The following FGF13 variants were observed in gnomAD, a reference collection of about 807,000 sequenced individuals.
FGF13 encodes fibroblast growth factor 13, also known as fibroblast growth factor homologous factor 2.
Under a neutral mutation model 19.5 loss-of-function variants are expected in FGF13, and 2 were observed. The ratio of observed to expected loss-of-function variants is 0.10; its 90% confidence interval spans 0.04 to 0.32. The LOEUF (loss-of-function observed/expected upper bound fraction) is 0.32, where lower values mean the gene tolerates loss of function less well. Ranked by LOEUF, FGF13 falls within the 10% of genes least tolerant of loss-of-function variation. The pLI is 1.00. For missense variants in FGF13, 113 were observed against 192.7 expected, an observed-to-expected ratio of 0.59 and a Z score of 2.45; for synonymous variants, 72 against 76.9, an observed-to-expected ratio of 0.94 and a Z score of 0.33.
At chrX:139,182,805 T>G (rs2084250725) in intron 1 of FGF13, among the ~76,000 whole-genome samples, 1 of 111,831 alleles carries the variant, frequency 8.9e-6, no homozygotes, top group South Asian at 3.8e-4. Context: ...GAAAAGCAAG[T>G]CCATTCATTA....
chrX:138,794,621 A>G (rs2090764787), intron 3 of FGF13, among the ~76,000 whole-genome samples: 1 of 112,043 alleles, frequency 8.9e-6, no homozygotes, highest in Non-Finnish European at 1.9e-5. Context: ...AAATTCTGAC[A>G]AGTGAGAAAA....
At position 138,677,873 on chromosome X, in the gene FGF13, T is replaced by C. The variant is rs1246258214; in HGVS notation, c.402+25111A>G. Among the ~76,000 whole-genome samples the C allele has an allele frequency of 3.6e-5, 4 of 111,836 alleles. No homozygotes were observed. The East Asian group carries it at 1.1e-3, about 32-fold the overall frequency. ...TAAATCATGCTGCTATAAAGACACA[T>C]GCACACGTACGTTTATTGCGGCACT... On this transcript the variant is annotated intron_variant, in intron 3 of 4. Transcript: ENST00000315930.
intron 1 of FGF13, among the ~76,000 whole-genome samples, chrX:138,869,025 T>C (rs2091344175): frequency 9.0e-6 from 1 of 111,630 alleles, no homozygotes; most frequent in African/African-American, 3.3e-5. Flanking sequence ...AATGCCATCA[T>C]GTGCACCTCC....
At chrX:139,132,595 C>A (rs969224128) in intron 1 of FGF13, among the ~76,000 whole-genome samples, 4 of 111,939 alleles carry the variant, frequency 3.6e-5, no homozygotes, top group African/African-American at 9.7e-5. Context: ...ACCTTAAGAG[C>A]AAATAATGTG....
intron 3 of FGF13, among the ~76,000 whole-genome samples, chrX:138,808,863 T>C (rs1207910726): frequency 8.9e-6 from 1 of 112,109 alleles, no homozygotes; most frequent in Non-Finnish European, 1.9e-5. Flanking sequence ...GATAAATTCC[T>C]GGACACATAC....
rs1246703584 is a variant in FGF13 at position 138,619,166 on chromosome X, CACAG to C, written c.*13680_*13683del. ...ATAAGCTTGGGTTGCTACATGAGAA[CACAG>C]ACAAAGAAGTCAGTAGAATCAGGAA... On this transcript the variant is annotated 3_prime_UTR_variant, in exon 5 of 5. Transcript: ENST00000315930. 3 of 110,965 alleles carry C rather than the reference CACAG, an allele frequency of 2.7e-5. No homozygotes were observed. The highest frequency in any genetic ancestry group is 3.8e-5 in the Non-Finnish European group (2 of 53,078). 9.1% of individuals were successfully genotyped at this position (110,965 alleles called of 1,213,427 possible). A position where few individuals can be genotyped will look rare whatever the true frequency, so the allele number is the denominator to read the frequency against.
At position 138,762,572 on chromosome X, in the gene FGF13, G is replaced by A. The variant is rs750807963; in HGVS notation, c.218-53644C>T. Among the ~76,000 whole-genome samples the A allele has an allele frequency of 2.3e-3, 257 of 111,312 alleles. 3 individuals are homozygous for A. The highest frequency in any genetic ancestry group is 4.7e-3 in the Middle Eastern group (1 of 215). ...TATGGGCTTCAATTCTGTCTTATGAGGAGGAAGCATAGTGTTAGAGTTAAG... is the reference window on the plus strand; with the variant it reads ...TATGGGCTTCAATTCTGTCTTATGAAGAGGAAGCATAGTGTTAGAGTTAAG... On this transcript the variant is annotated intron_variant, in intron 3 of 6. Transcript: ENST00000436198.
At chrX:139,069,525 C>T (rs377365567) in intron 1 of FGF13, among the ~76,000 whole-genome samples, 1 of 93,310 alleles carries the variant, frequency 1.1e-5, no homozygotes, top group Admixed American at 1.2e-4. Flanking sequence ...ATGACGAGTT[C>T]GTGGGTGCAG....
chrX:138,767,322 T>C (rs1288295751), intron 3 of FGF13, among the ~76,000 whole-genome samples: 1 of 111,994 alleles, frequency 8.9e-6, no homozygotes. Flanking sequence ...TTGCAGAATA[T>C]ACTAAACTTT....
intron 1 of FGF13, among the ~76,000 whole-genome samples, chrX:138,975,726 A>T (rs1213423085): frequency 1.8e-5 from 2 of 111,588 alleles, no homozygotes; most frequent in African/African-American, 3.3e-5. Flanking sequence ...TGACATCAGG[A>T]CTGAGAGCAG....
At chrX:138,874,898 C>T (rs1326389967) in intron 1 of FGF13, among the ~76,000 whole-genome samples, 3 of 111,612 alleles carry the variant, frequency 2.7e-5, no homozygotes, top group Non-Finnish European at 5.6e-5. Context: ...CAAGCAGCCT[C>T]GGGCCTCTCT....
intron 3 of FGF13, among the ~76,000 whole-genome samples, chrX:138,779,597 G>A (rs2090620934): frequency 9.1e-6 from 1 of 110,206 alleles, no homozygotes; most frequent in African/African-American, 3.3e-5. Context: ...AATGAAGCGA[G>A]AAGGGAAGTT....
At chrX:139,198,510 C>T (rs766282228) in intron 1 of FGF13, among the ~76,000 whole-genome samples, 107 of 111,702 alleles carry the variant, frequency 9.6e-4, no homozygotes, top group African/African-American at 3.4e-3. Flanking sequence ...GTCATTAGCC[C>T]GTGACACTAG....
intron 1 of FGF13, among the ~76,000 whole-genome samples, chrX:139,013,181 A>C (rs1004871732): frequency 2.7e-5 from 3 of 110,512 alleles, no homozygotes; most frequent in Non-Finnish European, 5.7e-5. Flanking sequence ...TAATCAAAAA[A>C]TCAAAAAGTA....
At chrX:138,660,597 C>T (rs1221039540) in intron 3 of FGF13, among the ~76,000 whole-genome samples, 1 of 111,381 alleles carries the variant, frequency 9.0e-6, no homozygotes, top group African/African-American at 3.3e-5. Flanking sequence ...AGCACTTACC[C>T]TTTCTTTGTG....
chrX:138,848,928 A>G (rs750424656), intron 3 of FGF13, among the ~76,000 whole-genome samples: 1 of 112,048 alleles, frequency 8.9e-6, no homozygotes, highest in East Asian at 2.8e-4. Flanking sequence ...TCATGAAGGA[A>G]GCAGTGATTT....
At chrX:139,016,035 C>T (rs950035662) in intron 1 of FGF13, among the ~76,000 whole-genome samples, 3 of 111,637 alleles carry the variant, frequency 2.7e-5, no homozygotes, top group Non-Finnish European at 5.7e-5. Flanking sequence ...ATGCCTATCT[C>T]TCACCATATA....
intron 3 of FGF13, among the ~76,000 whole-genome samples, chrX:138,849,368 A>G (rs780210954): frequency 2.7e-5 from 3 of 112,185 alleles, no homozygotes; most frequent in Non-Finnish European, 5.6e-5. Context: ...ATATATGATC[A>G]GTGTTGCATG....
intron 1 of FGF13, among the ~76,000 whole-genome samples, chrX:138,914,362 T>C (rs1214820769): frequency 1.8e-5 from 2 of 110,861 alleles, no homozygotes; most frequent in Non-Finnish European, 3.8e-5. Flanking sequence ...ATTTTGCAGC[T>C]ATCCCACACT....
Sources: allele counts gnomAD v4.1 joint callset (sites outside exome capture counted in the v4.1 genomes callset), GRCh38; gene constraint gnomAD v4.1.1; transcripts MANE v1.5; gene names NCBI Gene and HGNC (gene_info 2026-07-23, HGNC 2026-07-21).